Variants in ITSN2 observed in about 807,000 individuals in gnomAD.
The protein encoded by ITSN2 is intersectin 2.
ITSN2 carries 156 observed loss-of-function variants against 243.7 expected under a neutral mutation model. The ratio of observed to expected loss-of-function variants is 0.64; its 90% CI spans 0.56 to 0.73. The LOEUF (loss-of-function observed/expected upper bound fraction) is 0.73. ITSN2 is among the 30% of genes least tolerant of loss of function. The pLI is 0.00. For synonymous variants in ITSN2, 703 were observed against 699.9 expected, an observed-to-expected ratio of 1.00 and a Z score of -0.07; for missense variants, 1,801 against 1,996.1, an observed-to-expected ratio of 0.90 and a Z score of 1.86.
intron 1 of ITSN2, among the ~76,000 whole-genome samples, chr2:24,335,817 T>C (rs1318187615): frequency 2.0e-5 from 3 of 151,754 alleles, no homozygotes; most frequent in African/African-American, 4.8e-5. Context: ...TTTGTATTTT[T>C]AGTAGGGACG....
At chr2:24,265,003 T>C (rs1418726122) in intron 20 of ITSN2, among the ~76,000 whole-genome samples, 1 of 151,952 alleles carries the variant, frequency 6.6e-6, no homozygotes, top group East Asian at 1.9e-4. Context: ...GCTGCCCGGG[T>C]TGATCTCGAA....
At chr2:24,243,997 G>A (rs151301665) in intron 29 of ITSN2, among the ~76,000 whole-genome samples, 2 of 152,282 alleles carry the variant, frequency 1.3e-5, no homozygotes, top group East Asian at 3.9e-4. Flanking sequence ...ACTGGATAGT[G>A]CTGTTTAGAT....
At chr2:24,230,150 A>G (rs1254576068) in intron 29 of ITSN2, among the ~76,000 whole-genome samples, 1 of 152,208 alleles carries the variant, frequency 6.6e-6, no homozygotes, top group African/African-American at 2.4e-5. Context: ...TAACATCAAA[A>G]GCCAAACCCC....
chr2:24,309,190 C>A (rs1323952258), intron 7 of ITSN2, among the ~76,000 whole-genome samples: 1 of 152,146 alleles, frequency 6.6e-6, no homozygotes, highest in Non-Finnish European at 1.5e-5. Context: ...ATGGTGACTG[C>A]CTTTTCTCTT....
chr2:24,255,166 C>CT (rs1209859777), intron 23 of ITSN2, among the ~76,000 whole-genome samples: 5 of 152,312 alleles, frequency 3.3e-5, no homozygotes, highest in African/African-American at 9.6e-5. Flanking sequence ...GAAATGCCCT[C>CT]TAAAACACTG....
chr2:24,267,324 T>C (rs1334490892), intron 20 of ITSN2, among the ~76,000 whole-genome samples: 1 of 150,876 alleles, frequency 6.6e-6, no homozygotes, highest in Admixed American at 6.6e-5. Context: ...CCATGGCACA[T>C]GTATACCTAT....
chr2:24,261,816 TGTATA>T (rs1036189152), intron 20 of ITSN2, 74 bp from the exon 21 acceptor site: 21 of 1,089,598 alleles, frequency 1.9e-5, no homozygotes, highest in Middle Eastern at 2.2e-4. Context: ...TGAAAACTAT[TGTATA>T]GTATTCTCAT....
In ITSN2 at chr2:24,286,274, C is replaced by A. The variant is rs1032914723; in HGVS notation, c.1801G>T (p.Ala601Ser). ...LCQRLKEQLD[A>S]LEKETASKLS... The stretch of plus-strand genomic sequence containing the variant: ...TTAGATGCAGTTTCTTTTTCAAGAG[C>A]ATCTAACTGTTCTTTAAGTCTTTGG... Residue 601 changes from alanine (A) to serine (S), a missense_variant, in exon 16 of 40, where the codon GCT (alanine) becomes TCT (serine). By Grantham distance (99) the Ala-to-Ser change is moderately conservative (BLOSUM62 1). Transcript: ENST00000355123. 1.9e-6 allele frequency: 3 copies of A among 1,604,484 alleles called. No homozygotes were observed. The highest frequency in any genetic ancestry group is 2.6e-6 in the Non-Finnish European group (3 of 1,172,054).
chr2:24,213,915 C>G (rs527754290), intron 32 of ITSN2, among the ~76,000 whole-genome samples: 1 of 152,126 alleles, frequency 6.6e-6, no homozygotes, highest in Non-Finnish European at 1.5e-5. Context: ...CTGAGATCAT[C>G]GTAAGGAAAA....
Position 24,209,980 on chromosome 2 carries a change from G to A in ITSN2, c.4311C>T (p.His1437=). The A allele has an allele frequency of 6.2e-7, 1 of 1,614,172 alleles. No individual in the cohort carries two copies. The change falls in exon 35 of 40, where the codon CAC becomes CAT. Residue 1437 remains histidine (H), a synonymous_variant. Coordinates refer to ENST00000355123, the MANE Select transcript of ITSN2 (RefSeq NM_006277.3). ...TCTTGGTCTTGTATAATTTCCCACT[G>A]TGTAAGAGCTTCCGGGGCCCCAGGC... ...TNCLGPRKLL[H]SGKLYKTKSN...
At chr2:24,349,197 A>G (rs1215220942) in intron 1 of ITSN2, among the ~76,000 whole-genome samples, 1 of 152,224 alleles carries the variant, frequency 6.6e-6, no homozygotes, top group African/African-American at 2.4e-5. Flanking sequence ...TAACAGGGAA[A>G]AAAATTACCA....
intron 15 of ITSN2, among the ~76,000 whole-genome samples, chr2:24,292,038 G>T (rs1055462222): frequency 6.6e-6 from 1 of 152,094 alleles, no homozygotes; most frequent in Admixed American, 6.6e-5. Context: ...ATACCAAAGG[G>T]TTATTGTAAA....
At chr2:24,339,699 C>T (rs984463803) in intron 1 of ITSN2, among the ~76,000 whole-genome samples, 3 of 152,064 alleles carry the variant, frequency 2.0e-5, no homozygotes, top group Non-Finnish European at 4.4e-5. Flanking sequence ...TAAATGACAA[C>T]ACACTGAATT....
intron 15 of ITSN2, among the ~76,000 whole-genome samples, chr2:24,291,220 C>A (rs1048242376): frequency 6.6e-6 from 1 of 152,136 alleles, no homozygotes; most frequent in African/African-American, 2.4e-5. Context: ...ACCTCTGCCT[C>A]CCACGTTCAA....
chr2:24,232,150 A>G (rs1019348210), intron 29 of ITSN2, among the ~76,000 whole-genome samples: 6 of 152,196 alleles, frequency 3.9e-5, no homozygotes, highest in African/African-American at 7.2e-5. Flanking sequence ...TTCTAAATTC[A>G]TGTCTTTTTG....
chr2:24,294,767 T>C (rs1574191437), intron 14 of ITSN2, among the ~76,000 whole-genome samples: 1 of 152,228 alleles, frequency 6.6e-6, no homozygotes, highest in Non-Finnish European at 1.5e-5. Context: ...ATGGTCTGAA[T>C]GTTGGTATGT....
intron 29 of ITSN2, among the ~76,000 whole-genome samples, chr2:24,229,185 G>C (rs1671336435): frequency 6.6e-6 from 1 of 152,182 alleles, no homozygotes; most frequent in Non-Finnish European, 1.5e-5. Flanking sequence ...TCGTAGTAGA[G>C]TTTAATATAG....
chr2:24,204,333 C>T lies in ITSN2; in HGVS notation c.4848G>A (p.Trp1616Ter). The change falls in exon 39 of 40, where the codon TGG becomes TGA. Residue 1616 changes from tryptophan (W) to a stop codon, truncating the protein, a stop_gained. Transcript: ENST00000355123. LOFTEE classifies it high-confidence loss of function. This position sits in a 1 kb window ranked among gnomAD's most constrained non-coding sequence, Gnocchi z 5.1. ...RTIQDTLNPK[W>*]NFNCQFFIKD... ...TAATAAAGAACTGGCAGTTAAAATT[C>T]CACTTGGGATTGAGTGTGTCCTGGA... 2 of 1,614,158 alleles carry T rather than the reference C, an allele frequency of 1.2e-6. No homozygotes were observed. The highest frequency in any genetic ancestry group is 1.7e-6 in the Non-Finnish European group (2 of 1,180,002).
Position 24,217,907 on chromosome 2 carries a change from T to C in ITSN2, c.3806A>G (p.Lys1269Arg), listed in dbSNP as rs190425386. The change falls in exon 31 of 40, where the codon AAG (lysine) becomes AGG (arginine). Residue 1269 changes from lysine to arginine, a missense_variant and splice_region_variant. Physicochemically the swap from Lys to Arg is conservative, Grantham distance 26 (BLOSUM62 2). Coordinates refer to ENST00000355123, the MANE Select transcript of ITSN2 (RefSeq NM_006277.3). ...ATGACAGGTGATGCTCAGGACTCACTTCAGCAGCTTTGTGTTGGACATGAT... is the reference window on the plus strand; with the variant it reads ...ATGACAGGTGATGCTCAGGACTCACCTCAGCAGCTTTGTGTTGGACATGAT... ...ELIMSNTKLL[K>R]ALRVRKKTGG... is the part of the protein sequence containing the mutation. 1 of 1,609,646 alleles carries C rather than the reference T, an allele frequency of 6.2e-7. No individual in the cohort carries two copies. The highest frequency in any genetic ancestry group is 2.2e-5 in the East Asian group (1 of 44,866).
Sources: allele counts gnomAD v4.1 joint callset (sites outside exome capture counted in the v4.1 genomes callset), GRCh38; gene constraint gnomAD v4.1.1; non-coding constraint Gnocchi (gnomAD v3.1); transcripts MANE v1.5; gene names NCBI Gene and HGNC (gene_info 2026-07-23, HGNC 2026-07-21).